Variants in NRTN observed in about 807,000 individuals in gnomAD.
The protein encoded by NRTN is prepro-neurturin.
Under a neutral mutation model 7.5 loss-of-function variants are expected in NRTN, and 3 were observed. The ratio of observed to expected loss-of-function variants is 0.40; its 90% confidence interval spans 0.18 to 1.03. The LOEUF is 1.03. Among genes scored for constraint, NRTN ranks in the 50% least tolerant of loss-of-function variants. NRTN has a pLI of 0.34. For missense variants in NRTN, 310 were observed against 307.0 expected (o/e 1.01, Z -0.07); for synonymous variants, 157 against 146.6 (o/e 1.07, Z -0.51).
In NRTN at chr19:5,828,144, C is replaced by G; in HGVS notation, c.565C>G (p.Leu189Val). ...AHSRYHTVHE[L>V]SARECACV Reference sequence around the variant, plus strand: ...CAGCCGCTACCACACGGTGCACGAGCTGTCGGCGCGCGAGTGCGCCTGCGT... The same window carrying G: ...CAGCCGCTACCACACGGTGCACGAGGTGTCGGCGCGCGAGTGCGCCTGCGT... The change falls in exon 3 of 3, where the codon CTG (leucine) becomes GTG (valine). Residue 189 changes from leucine (L) to valine (V), a missense_variant. Coordinates refer to ENST00000303212, the MANE Select transcript of NRTN (RefSeq NM_004558.5). 1.3e-6 allele frequency: 2 copies of G among 1,529,926 alleles called. No individual in the cohort carries two copies. Among genetic ancestry groups the G allele is most frequent in the South Asian group, 2.4e-5 (2 of 83,626 alleles). 94.8% of individuals were successfully genotyped at this position (1,529,926 alleles called of 1,614,324 possible). A position where few individuals can be genotyped will look rare whatever the true frequency, so the allele number is the denominator to read the frequency against.
rs1043265238 is a variant in NRTN, at chr19:5,823,939, C to T, written c.-227C>T. On this transcript the variant is annotated 5_prime_UTR_variant, in exon 2 of 3. Transcript: ENST00000303212. The stretch of plus-strand genomic sequence containing the variant: ...TCATCGGCTCCTCAGGAAGGCACTC[C>T]GGGACCCCCAGATGGGGGCGGTTCC... The T allele has an allele frequency of 4.7e-5, 29 of 621,380 alleles. 1 individual carries two copies. The highest frequency in any genetic ancestry group is 2.4e-4 in the Admixed American group (9 of 37,234). 38.5% of individuals were successfully genotyped at this position (621,380 alleles called of 1,614,324 possible).
At chr19:5,819,436 T>TG (rs2057015999) in intron 1 of NRTN, among the ~76,000 whole-genome samples, 1 of 151,950 alleles carries the variant, frequency 6.6e-6, no homozygotes, top group African/African-American at 2.4e-5. Context: ...CCAAAGCGGG[T>TG]GGATCACCTG....
At chr19:5,807,846 G>A (rs1302421707) in intron 1 of NRTN, among the ~76,000 whole-genome samples, 1 of 152,218 alleles carries the variant, frequency 6.6e-6, no homozygotes, top group East Asian at 1.9e-4. Context: ...ACTTTGGGAG[G>A]CCAAGGCAGG....
chr19:5,816,370 CTTCTT>C (rs1425470802), intron 1 of NRTN, among the ~76,000 whole-genome samples: 9 of 152,096 alleles, frequency 5.9e-5, no homozygotes, highest in South Asian at 4.2e-4. Context: ...CTCTTCTCAT[CTTCTT>C]TTCTTTTCTT....
intron 1 of NRTN, among the ~76,000 whole-genome samples, chr19:5,813,466 G>GT (rs200182058): frequency 0.045 from 6,846 of 152,178 alleles, 519 homozygotes; most frequent in African/African-American, 0.16. Flanking sequence ...GAGGTCAGGA[G>GT]TTTTAGACCA....
At position 5,807,322 on chromosome 19, in the gene NRTN, C is replaced by T. The variant is rs370971436; in HGVS notation, c.-399+1871C>T. On this transcript the variant is annotated intron_variant, in intron 1 of 2. Transcript: ENST00000303212. The stretch of plus-strand genomic sequence containing the variant: ...AGAGAGGTGCAAGTTGTTAATGTAT[C>T]TGGAGTCACTGGGCTGGACTATCTT... 3.9e-5 allele frequency among the ~76,000 whole-genome samples: 6 copies of T among 152,210 alleles called. No homozygotes were observed. The East Asian group carries it at 9.6e-4, about 24-fold the overall frequency.
intron 2 of NRTN, among the ~76,000 whole-genome samples, chr19:5,825,978 C>CA (rs1429565535): frequency 6.6e-5 from 10 of 151,822 alleles, no homozygotes; most frequent in South Asian, 4.1e-4. Flanking sequence ...ACTAAAATTA[C>CA]AAAAAAATTA....
At chr19:5,810,866 T>G (rs539589136) in intron 1 of NRTN, among the ~76,000 whole-genome samples, 2 of 150,414 alleles carry the variant, frequency 1.3e-5, no homozygotes, top group East Asian at 2.0e-4. Context: ...GAGGCAGAGG[T>G]TGCACTGAGC....
chr19:5,811,129 C>T (rs546269190), intron 1 of NRTN, among the ~76,000 whole-genome samples: 2 of 152,024 alleles, frequency 1.3e-5, no homozygotes, highest in Non-Finnish European at 2.9e-5. Context: ...ATCCCAGCTA[C>T]TCAGGAGGCT....
rs963180065 is a variant in NRTN at position 5,828,276 on chromosome 19, C to T, written c.*103C>T. On this transcript the variant is annotated 3_prime_UTR_variant, in exon 3 of 3. Coordinates refer to ENST00000303212, the MANE Select transcript of NRTN (RefSeq NM_004558.5). ...GCGTGCGTAGAGCACGCCGGCGCGG[C>T]CCCGGGACTCTCGCGATAACTGTAC... is the stretch of plus-strand genomic sequence containing the variant. The T allele has an allele frequency of 1.1e-5, 14 of 1,278,692 alleles. No individual in the cohort carries two copies. The African/African-American group carries it at 1.2e-4, about 11-fold the overall frequency. 79.2% of individuals were successfully genotyped at this position (1,278,692 alleles called of 1,614,324 possible).
chr19:5,823,035 AAG>A (rs35933326), intron 1 of NRTN, among the ~76,000 whole-genome samples: 20,331 of 149,640 alleles, frequency 0.14, 1,555 homozygotes, highest in South Asian at 0.22. Context: ...AAAAAAAAGA[AAG>A]AGAGAGAGAG....
chr19:5,817,834 C>G (rs560328773), intron 1 of NRTN, among the ~76,000 whole-genome samples: 3 of 152,188 alleles, frequency 2.0e-5, no homozygotes, highest in Non-Finnish European at 4.4e-5. Context: ...GAGTCTTGCT[C>G]TGTCACCAAG....
chr19:5,823,783 C>A lies in NRTN; in HGVS notation c.-383C>A, dbSNP rs1034365691. 19 of 365,340 alleles carry A rather than the reference C, an allele frequency of 5.2e-5. No homozygotes were observed. The highest frequency in any genetic ancestry group is 8.8e-5 in the Non-Finnish European group (17 of 193,846). The allele number at this position is 365,340 out of a possible 1,614,324, so 22.6% of individuals were successfully genotyped here. A position where few individuals can be genotyped will look rare whatever the true frequency, so the allele number is the denominator to read the frequency against. ...GGCTCCTCAGCTGCAGCCGCTCCGGCCTCCTTGCTGTTCCTGGGATACGCC... is the reference window on the plus strand; with the variant it reads ...GGCTCCTCAGCTGCAGCCGCTCCGGACTCCTTGCTGTTCCTGGGATACGCC... On this transcript the variant is annotated 5_prime_UTR_variant, in exon 2 of 3. Coordinates refer to ENST00000303212, the MANE Select transcript of NRTN (RefSeq NM_004558.5).
At chr19:5,808,750 A>G (rs1308850086) in intron 1 of NRTN, among the ~76,000 whole-genome samples, 1 of 144,734 alleles carries the variant, frequency 6.9e-6, no homozygotes, top group Non-Finnish European at 1.5e-5. Context: ...CAGATCTTCA[A>G]TGGTGGCTTT....
intron 2 of NRTN, among the ~76,000 whole-genome samples, chr19:5,825,047 G>GC (rs2057040685): frequency 6.6e-6 from 1 of 152,108 alleles, no homozygotes. Context: ...CCAGTGACCT[G>GC]CCCCAGGGGA....
rs926749644 is a variant in NRTN at position 5,816,399 on chromosome 19, G to A, written c.-398-7369G>A. Among the ~76,000 whole-genome samples the A allele has an allele frequency of 2.0e-5, 3 of 151,914 alleles. No individual in the cohort carries two copies. The East Asian group carries it at 5.8e-4, about 29-fold the overall frequency. ...TTTTCTTTTCTTTTTTCATTTTTGA[G>A]ACGGAGTCTTGCTCTGTCGTCCAGG... On this transcript the variant is annotated intron_variant, in intron 1 of 2. Transcript: ENST00000303212.
rs749119790 is a variant in NRTN at position 5,827,770 on chromosome 19, C to A, written c.191C>A (p.Ala64Asp). The A allele has an allele frequency of 8.4e-7, 1 of 1,192,992 alleles. No individual in the cohort carries two copies. Among genetic ancestry groups the A allele is most frequent in the Non-Finnish European group, 1.0e-6 (1 of 960,724 alleles). 73.9% of individuals were successfully genotyped at this position (1,192,992 alleles called of 1,614,324 possible). A position where few individuals can be genotyped will look rare whatever the true frequency, so the allele number is the denominator to read the frequency against. The change falls in exon 3 of 3, where the codon GCC (alanine) becomes GAC (aspartate). Residue 64 changes from alanine to aspartate, a missense_variant. Ala to Asp is a moderately radical substitution (Grantham distance 126, BLOSUM62 -2). Coordinates refer to ENST00000303212, the MANE Select transcript of NRTN (RefSeq NM_004558.5). ...GCAGACCGTGCACTCCTGCAGGGGGCCCCGGATGCGATGGAGCTGCGCGAG... is the reference window on the plus strand; with the variant it reads ...GCAGACCGTGCACTCCTGCAGGGGGACCCGGATGCGATGGAGCTGCGCGAG... ...LAQYRALLQG[A>D]PDAMELRELT...
At chr19:5,823,295 T>C (rs1471265137) in intron 1 of NRTN, among the ~76,000 whole-genome samples, 1 of 151,304 alleles carries the variant, frequency 6.6e-6, no homozygotes, top group African/African-American at 2.4e-5. Flanking sequence ...CAGGTGCCTG[T>C]AATCCCAGCT....
chr19:5,821,630 T>TTCATTCAC (rs372894646), intron 1 of NRTN, among the ~76,000 whole-genome samples: 23,586 of 150,300 alleles, frequency 0.16, 2,581 homozygotes, highest in East Asian at 0.44. Flanking sequence ...TGTTCATTCA[T>TTCATTCAC]TCATTCATTC....
Sources: allele counts gnomAD v4.1 joint callset (sites outside exome capture counted in the v4.1 genomes callset), GRCh38; gene constraint gnomAD v4.1.1; transcripts MANE v1.5; gene names NCBI Gene and HGNC (gene_info 2026-07-23, HGNC 2026-07-21).